The following ZDHHC3 variants were observed in gnomAD, a reference collection of about 807,000 sequenced individuals.
ZDHHC3 encodes the protein palmitoyltransferase ZDHHC3.
Under a neutral mutation model 30.6 loss-of-function variants are expected in ZDHHC3, and 9 were observed. The observed-to-expected ratio is 0.29, with a 90% CI of 0.18 to 0.51. The LOEUF (loss-of-function observed/expected upper bound fraction) is 0.51. ZDHHC3 is among the 20% of genes least tolerant of loss of function. ZDHHC3 has a pLI of 0.97. For missense variants in ZDHHC3, 246 were observed against 384.2 expected, an observed-to-expected ratio of 0.64 and a Z score of 3.01; for synonymous variants, 136 against 140.2, an observed-to-expected ratio of 0.97 and a Z score of 0.21.
rs1350953891 is a variant in ZDHHC3 at position 44,923,301 on chromosome 3, C to T, written c.*3388G>A. The T allele has an allele frequency of 1.0e-6, 1 of 963,714 alleles. No homozygotes were observed. The highest frequency in any genetic ancestry group is 1.8e-5 in the African/African-American group (1 of 56,752). The allele number at this position is 963,714 out of a possible 1,614,324, so 59.7% of individuals were successfully genotyped here. On this transcript the variant is annotated 3_prime_UTR_variant, in exon 7 of 7. Transcript: ENST00000424952. ...CCGTGTTAGCCAGGATGATCTCGATCTCTTGACCTCGTGATCTGCCCGCCT... is the reference window on the plus strand; with the variant it reads ...CCGTGTTAGCCAGGATGATCTCGATTTCTTGACCTCGTGATCTGCCCGCCT...
chr3:44,943,305 C>A (rs997693066), intron 3 of ZDHHC3, among the ~76,000 whole-genome samples: 1 of 152,194 alleles, frequency 6.6e-6, no homozygotes. Context: ...GCTGTGTGAC[C>A]GTGGAGCACT....
Position 44,931,236 on chromosome 3 carries a change from G to A in ZDHHC3, c.611-1800C>T, listed in dbSNP as rs116397618. Among the ~76,000 whole-genome samples the A allele has an allele frequency of 2.7e-3, 406 of 152,286 alleles. 3 individuals carry two copies. The highest frequency in any genetic ancestry group is 9.2e-3 in the African/African-American group (382 of 41,542). ...TCATGAAAGAACATCTGCACAGTTC[G>A]GCCTTGGCCTGGCAGGAGCACATGG... On this transcript the variant is annotated intron_variant, in intron 5 of 6. Coordinates refer to ENST00000424952, the MANE Select transcript of ZDHHC3 (RefSeq NM_001135179.2).
chr3:44,962,472 A>T (rs1412406042), intron 1 of ZDHHC3, among the ~76,000 whole-genome samples: 1 of 142,380 alleles, frequency 7.0e-6, no homozygotes, highest in Non-Finnish European at 1.5e-5. Context: ...TTAAGATGGA[A>T]ATCTTAAAAC....
At chr3:44,933,305 AGGACAAGGCCTGACCAGGAG>A in intron 4 of ZDHHC3, 106 bp from the exon 5 acceptor site, 1 of 1,020,036 alleles carries the variant, frequency 9.8e-7, no homozygotes, top group Middle Eastern at 3.0e-4. Flanking sequence ...ACACTTAGTC[AGGACAAGGCCTGACCAGGAG>A]GGACCAGAGG....
At chr3:44,958,573 C>T in intron 2 of ZDHHC3, 1 of 1,535,372 alleles carries the variant, frequency 6.5e-7, no homozygotes. Context: ...TACTGCTTTA[C>T]CCACAGATAT....
Position 44,920,062 on chromosome 3 carries a change from G to A in ZDHHC3, c.*6627C>T. The A allele has an allele frequency of 8.5e-7, 1 of 1,182,110 alleles. No individual in the cohort carries two copies. The highest frequency in any genetic ancestry group is 1.1e-6 in the Non-Finnish European group (1 of 935,118). The allele number at this position is 1,182,110 out of a possible 1,614,324, so 73.2% of individuals were successfully genotyped here. A position where few individuals can be genotyped will look rare whatever the true frequency, so the allele number is the denominator to read the frequency against. ...TTACTTTTGGGGATGGAATTCTAGA[G>A]GATTTGTATTTATTTCTGTAGACTT... On this transcript the variant is annotated 3_prime_UTR_variant, in exon 7 of 7. Transcript: ENST00000424952.
chr3:44,966,572 T>C (rs765501203), intron 1 of ZDHHC3, among the ~76,000 whole-genome samples: 1 of 152,236 alleles, frequency 6.6e-6, no homozygotes, highest in Non-Finnish European at 1.5e-5. Flanking sequence ...TGGTGTTTGT[T>C]TCTTTTAGAA....
chr3:44,923,868 A>T lies in ZDHHC3; in HGVS notation c.*2821T>A, dbSNP rs1559646364. On this transcript the variant is annotated 3_prime_UTR_variant, in exon 7 of 7. Transcript: ENST00000424952. ...GTGGGACTAAAAGGAGATTTAGCAC[A>T]TGCACTTCTACCCAAATGTGTTTTG... 2.0e-6 allele frequency: 2 copies of T among 985,452 alleles called. No individual in the cohort carries two copies. Among genetic ancestry groups the T allele is most frequent in the East Asian group, 1.1e-4 (1 of 8,818 alleles). The allele number at this position is 985,452 out of a possible 1,614,324, so 61.0% of individuals were successfully genotyped here. A position where few individuals can be genotyped will look rare whatever the true frequency, so the allele number is the denominator to read the frequency against.
intron 3 of ZDHHC3, among the ~76,000 whole-genome samples, chr3:44,940,227 C>T (rs545134943): frequency 7.2e-5 from 11 of 151,766 alleles, no homozygotes; most frequent in Admixed American, 3.3e-4. Flanking sequence ...CTTTTCCCAG[C>T]CCCCACTGCA....
intron 6 of ZDHHC3, 24 bp downstream of exon 6, chr3:44,929,282 T>C (rs369151488): frequency 2.5e-6 from 4 of 1,612,110 alleles, no homozygotes; most frequent in Admixed American, 1.7e-5. Flanking sequence ...GGTGTGGAAA[T>C]GGTGGGCAGA....
chr3:44,969,609 G>A (rs1339248944), intron 1 of ZDHHC3: 4 of 152,198 alleles, frequency 2.6e-5, no homozygotes, highest in Admixed American at 1.3e-4. Context: ...GGTTACTTAC[G>A]GTTTGGCTAT....
intron 2 of ZDHHC3, among the ~76,000 whole-genome samples, chr3:44,946,385 G>T (rs1702933984): frequency 6.6e-6 from 1 of 152,206 alleles, no homozygotes; most frequent in South Asian, 2.1e-4. Flanking sequence ...CAGTGCACAG[G>T]CCTAAGTAGG....
rs1700871119 is a variant in ZDHHC3 at position 44,925,004 on chromosome 3, G to A, written c.*1685C>T. On this transcript the variant is annotated 3_prime_UTR_variant, in exon 7 of 7. Coordinates refer to ENST00000424952, the MANE Select transcript of ZDHHC3 (RefSeq NM_001135179.2). Reference sequence around the variant, plus strand: ...GAAAGAGGCCTGGTGGGGCAAGCTGGTTCAAGAGAGGGACCATAAATGCAT... The same window carrying A: ...GAAAGAGGCCTGGTGGGGCAAGCTGATTCAAGAGAGGGACCATAAATGCAT... 1 of 985,538 alleles carries A rather than the reference G, an allele frequency of 1.0e-6. No homozygotes were observed. The highest frequency in any genetic ancestry group is 1.2e-6 in the Non-Finnish European group (1 of 829,928). The allele number at this position is 985,538 out of a possible 1,614,324, so 61.0% of individuals were successfully genotyped here.
chr3:44,929,762 C>T (rs1701327471), intron 5 of ZDHHC3, among the ~76,000 whole-genome samples: 1 of 152,230 alleles, frequency 6.6e-6, no homozygotes, highest in Non-Finnish European at 1.5e-5. Context: ...TGAAGTGAGG[C>T]ATGAACGCCT....
rs544715870 is a variant in ZDHHC3, at chr3:44,924,506, T to C, written c.*2183A>G. 10 of 985,348 alleles carry C rather than the reference T, an allele frequency of 1.0e-5. No individual in the cohort carries two copies. The African/African-American group carries it at 1.4e-4, about 14-fold the overall frequency. 61.0% of individuals were successfully genotyped at this position (985,348 alleles called of 1,614,324 possible). A position where few individuals can be genotyped will look rare whatever the true frequency, so the allele number is the denominator to read the frequency against. On this transcript the variant is annotated 3_prime_UTR_variant, in exon 7 of 7. Coordinates refer to ENST00000424952, the MANE Select transcript of ZDHHC3 (RefSeq NM_001135179.2). Reference sequence around the variant, plus strand: ...GGATATCTGAAGGAACCCCACTCTATTGGAAAGATAAGCATAGTATGCACA... The same window carrying C: ...GGATATCTGAAGGAACCCCACTCTACTGGAAAGATAAGCATAGTATGCACA...
Position 44,959,202 on chromosome 3 carries a change from T to G in ZDHHC3, c.235A>C (p.Asn79His). 1 of 1,614,242 alleles carries G rather than the reference T, an allele frequency of 6.2e-7. No homozygotes were observed. Residue 79 changes from asparagine to histidine, a missense_variant, in exon 2 of 7, where the codon AAC (asparagine) becomes CAC (histidine). Asn to His is a moderately conservative substitution (Grantham distance 68). Coordinates refer to ENST00000424952, the MANE Select transcript of ZDHHC3 (RefSeq NM_001135179.2). This position sits in a 1 kb window ranked among gnomAD's most constrained non-coding sequence, Gnocchi z 4.3. The part of the protein sequence containing the change: ...PSRDYVYSII[N>H]GIVFNLLAFL... ...GCCAGCAGGTTGAACACAATTCCGTTGATGATGCTATACACGTAGTCTCGA... is the reference window on the plus strand; with the variant it reads ...GCCAGCAGGTTGAACACAATTCCGTGGATGATGCTATACACGTAGTCTCGA...
chr3:44,962,541 A>AAGGAAGGAAGGC (rs1204285443), intron 1 of ZDHHC3, among the ~76,000 whole-genome samples: 1 of 142,556 alleles, frequency 7.0e-6, no homozygotes. Context: ...GGAAGGAAGG[A>AAGGAAGGAAGGC]AGGGGAGGGG....
intron 1 of ZDHHC3, among the ~76,000 whole-genome samples, chr3:44,965,320 T>G (rs1483040548): frequency 1.3e-5 from 2 of 152,036 alleles, no homozygotes; most frequent in East Asian, 3.8e-4. Flanking sequence ...ACAAATATAC[T>G]TAGTGAAGTG....
At chr3:44,938,118 G>A (rs1702134110) in intron 3 of ZDHHC3, 2 of 234,968 alleles carry the variant, frequency 8.5e-6, no homozygotes. Flanking sequence ...CAAGTAGATG[G>A]GACTACAGGC....
Sources: allele counts gnomAD v4.1 joint callset (sites outside exome capture counted in the v4.1 genomes callset), GRCh38; gene constraint gnomAD v4.1.1; non-coding constraint Gnocchi (gnomAD v3.1); transcripts MANE v1.5; gene names NCBI Gene and HGNC (gene_info 2026-07-23, HGNC 2026-07-21).